Variants in CHAC2 observed in about 807,000 individuals in gnomAD.
CHAC2 encodes the protein glutathione-specific gamma-glutamylcyclotransferase 2.
A neutral mutation model predicts 16.9 loss-of-function variants in CHAC2; 20 were observed. The ratio of observed to expected loss-of-function variants is 1.18; its 90% CI spans 0.83 to 1.72. The LOEUF (loss-of-function observed/expected upper bound fraction) is 1.72. Ranked by LOEUF, CHAC2 falls within the 40% of genes most tolerant of loss-of-function variation. The pLI is 0.00. For synonymous variants in CHAC2, 91 were observed against 77.3 expected, an observed-to-expected ratio of 1.18 and a Z score of -0.93; for missense variants, 269 against 222.2, an observed-to-expected ratio of 1.21 and a Z score of -1.34.
rs768314164 is a variant in CHAC2 at position 53,767,874 on chromosome 2, G to A, written c.-13G>A. 12 of 1,600,642 alleles carry A rather than the reference G, an allele frequency of 7.5e-6. No individual in the cohort carries two copies. Among genetic ancestry groups the A allele is most frequent in the Middle Eastern group, 1.7e-4 (1 of 6,048 alleles). On this transcript the variant is annotated 5_prime_UTR_variant, in exon 1 of 3. Transcript: ENST00000295304. ...AGGGTTCACGGCCACTGGGGCAGAG[G>A]AGCCGCGAGAAGATGTGGGTTTTTG...
At chr2:53,771,972 T>C (rs755428023) in intron 2 of CHAC2, 30 bp downstream of exon 2, 1 of 1,242,442 alleles carries the variant, frequency 8.0e-7, no homozygotes, top group East Asian at 2.5e-5. Context: ...TTTTGTATAA[T>C]TTTAATTTTA....
intron 1 of CHAC2, among the ~76,000 whole-genome samples, chr2:53,768,805 C>A (rs1240429402): frequency 6.6e-6 from 1 of 152,188 alleles, no homozygotes; most frequent in Non-Finnish European, 1.5e-5. Flanking sequence ...AGCAGCAGCT[C>A]ACTGCTTATG....
At chr2:53,773,445 T>C (rs989960724) in intron 2 of CHAC2, among the ~76,000 whole-genome samples, 1 of 152,084 alleles carries the variant, frequency 6.6e-6, no homozygotes, top group Non-Finnish European at 1.5e-5. Context: ...TATTTTTTAT[T>C]TTTTTGAGAC....
chr2:53,769,373 G>T (rs1263383365), intron 1 of CHAC2, among the ~76,000 whole-genome samples: 1 of 152,170 alleles, frequency 6.6e-6, no homozygotes, highest in Non-Finnish European at 1.5e-5. Flanking sequence ...CTTTAGCCCA[G>T]GCTCCAATTA....
chr2:53,768,059 T>A, intron 1 of CHAC2, 38 bp downstream of exon 1: 1 of 1,606,250 alleles, frequency 6.2e-7, no homozygotes, highest in South Asian at 1.1e-5. Context: ...TACTGCCCCC[T>A]GACCCCTGCT....
chr2:53,773,248 C>T (rs192533710), intron 2 of CHAC2, among the ~76,000 whole-genome samples: 90 of 151,700 alleles, frequency 5.9e-4, no homozygotes, highest in African/African-American at 2.0e-3. Flanking sequence ...TCATATTTTT[C>T]ATTTCAGTCC....
intron 1 of CHAC2, among the ~76,000 whole-genome samples, chr2:53,768,528 T>G (rs1673661643): frequency 6.6e-6 from 1 of 152,254 alleles, no homozygotes; most frequent in African/African-American, 2.4e-5. Flanking sequence ...TTCAAAAGTT[T>G]TATTTTCTGA....
intron 2 of CHAC2, among the ~76,000 whole-genome samples, chr2:53,772,868 C>T (rs1275338141): frequency 6.6e-6 from 1 of 152,012 alleles, no homozygotes; most frequent in African/African-American, 2.4e-5. Context: ...CCTCCTCCCA[C>T]CCTCCACCCT....
intron 1 of CHAC2, chr2:53,768,225 A>T (rs1673631849): frequency 3.5e-6 from 2 of 579,582 alleles, no homozygotes; most frequent in African/African-American, 1.9e-5. Flanking sequence ...GAAGCTGCTT[A>T]AGATGCCGGT....
At chr2:53,769,352 G>A (rs1473706305) in intron 1 of CHAC2, among the ~76,000 whole-genome samples, 3 of 152,162 alleles carry the variant, frequency 2.0e-5, no homozygotes, top group Admixed American at 6.5e-5. Flanking sequence ...TTGCCATTCC[G>A]AAAAGAAAAC....
intron 2 of CHAC2, 133 bp downstream of exon 2, chr2:53,772,075 G>A: frequency 3.4e-6 from 2 of 595,946 alleles, no homozygotes; most frequent in Non-Finnish European, 2.9e-6. Flanking sequence ...CTGTATTTGT[G>A]GGTTTTTTTT....
chr2:53,769,768 G>A (rs1673763537), intron 1 of CHAC2, among the ~76,000 whole-genome samples: 1 of 152,178 alleles, frequency 6.6e-6, no homozygotes, highest in Non-Finnish European at 1.5e-5. Context: ...GAATCGCTTG[G>A]GAGGCAGACG....
intron 2 of CHAC2, among the ~76,000 whole-genome samples, chr2:53,772,474 G>A (rs940745064): frequency 6.6e-6 from 1 of 151,824 alleles, no homozygotes; most frequent in Non-Finnish European, 1.5e-5. Flanking sequence ...GCGCCCAGCC[G>A]TGGGATTTTT....
chr2:53,774,308 G>A lies in CHAC2; in HGVS notation c.338G>A (p.Cys113Tyr). ...PFSVLLYIGT[C>Y]DNPDYLGPAP... ...AGTGTATTGCTATATATTGGAACAT[G>A]TGATAATCCTGATTATCTTGGTCCT... The change falls in exon 3 of 3, where the codon TGT (cysteine) becomes TAT (tyrosine). Residue 113 changes from cysteine (C) to tyrosine (Y), a missense_variant. Coordinates refer to ENST00000295304, the MANE Select transcript of CHAC2 (RefSeq NM_001008708.4). 1.9e-6 allele frequency: 3 copies of A among 1,613,842 alleles called. No individual in the cohort carries two copies. Among genetic ancestry groups the A allele is most frequent in the Non-Finnish European group, 2.5e-6 (3 of 1,179,930 alleles).
At chr2:53,772,191 T>C (rs1055425643) in intron 2 of CHAC2, among the ~76,000 whole-genome samples, 3 of 151,996 alleles carry the variant, frequency 2.0e-5, no homozygotes, top group Non-Finnish European at 4.4e-5. Flanking sequence ...GTGGGGTTTT[T>C]TGAGACAGAG....
rs1673601965 is a variant in CHAC2, at chr2:53,767,959, A to G, written c.73A>G (p.Ile25Val). Residue 25 changes from isoleucine to valine, a missense_variant, in exon 1 of 3, where the codon ATC becomes GTC. Coordinates refer to ENST00000295304, the MANE Select transcript of CHAC2 (RefSeq NM_001008708.4). ...CTATCAGGACAAGCTGGTCGGATAC[A>G]TCACCAACTACAGCAGGCGCTTCTG... Reference protein sequence around the residue: ...FPYQDKLVGYITNYSRRFWQG... With the variant: ...FPYQDKLVGYVTNYSRRFWQG... The G allele has an allele frequency of 6.2e-6, 10 of 1,614,138 alleles. No individual in the cohort carries two copies. Among genetic ancestry groups the G allele is most frequent in the Non-Finnish European group, 8.5e-6 (10 of 1,180,008 alleles).
intron 1 of CHAC2, among the ~76,000 whole-genome samples, chr2:53,769,761 T>C (rs897248578): frequency 6.6e-6 from 1 of 152,114 alleles, no homozygotes; most frequent in South Asian, 2.1e-4. Context: ...GGCAGGAGAA[T>C]CGCTTGGGAG....
rs1573002192 is a variant in CHAC2 at position 53,768,023 on chromosome 2, T to G, written c.135+2T>G. On this transcript the variant is annotated splice_donor_variant, in intron 1 of 2. Coordinates refer to ENST00000295304, the MANE Select transcript of CHAC2 (RefSeq NM_001008708.4). LOFTEE classifies it high-confidence loss of function. Reference sequence around the variant, plus strand: ...GACCACCGCGGGGTCCCCGGCAAGGTGAGGCGCCGGTCAGCTCCCCACACT... The same window carrying G: ...GACCACCGCGGGGTCCCCGGCAAGGGGAGGCGCCGGTCAGCTCCCCACACT... 1 of 1,613,040 alleles carries G rather than the reference T, an allele frequency of 6.2e-7. No individual in the cohort carries two copies. The highest frequency in any genetic ancestry group is 1.1e-5 in the South Asian group (1 of 91,032).
In CHAC2 at chr2:53,774,486, G is replaced by A. The variant is rs373386939; in HGVS notation, c.516G>A (p.Lys172=). Residue 172 remains lysine, a synonymous_variant, in exon 3 of 3, where the codon AAG becomes AAA. Transcript: ENST00000295304. ...TTTTCGCTTTGGAAAAATTAGTAAA[G>A]GAACGTTTAGAAGGGAAACAGAACC... is the stretch of plus-strand genomic sequence containing the variant. ...EHLFALEKLV[K]ERLEGKQNLN... is the part of the protein sequence containing the mutation. 1.8e-5 allele frequency: 29 copies of A among 1,578,814 alleles called. No homozygotes were observed. Among genetic ancestry groups the A allele is most frequent in the Non-Finnish European group, 2.4e-5 (28 of 1,167,038 alleles).
Sources: allele counts gnomAD v4.1 joint callset (sites outside exome capture counted in the v4.1 genomes callset), GRCh38; gene constraint gnomAD v4.1.1; transcripts MANE v1.5; gene names NCBI Gene and HGNC (gene_info 2026-07-23, HGNC 2026-07-21).